The following BRCA2 variants were observed in gnomAD, a reference collection of about 807,000 sequenced individuals.
BRCA2 encodes the protein BRCA2 DNA repair associated.
BRCA2 carries 203 observed loss-of-function variants against 276.7 expected under a neutral mutation model. The observed-to-expected ratio is 0.73, with a 90% CI of 0.65 to 0.82. The LOEUF is 0.82. Among genes scored for constraint, BRCA2 ranks in the 40% least tolerant of loss-of-function variants. BRCA2 has a pLI of 0.00. For missense variants in BRCA2, 3,920 were observed against 3,915.0 expected (o/e 1.00, Z -0.03); for synonymous variants, 1,289 against 1,338.4 (o/e 0.96, Z 0.81).
chr13:32,330,099 C>G (rs979219170), intron 8 of BRCA2, among the ~76,000 whole-genome samples: 6 of 152,210 alleles, frequency 3.9e-5, no homozygotes, highest in African/African-American at 1.4e-4. Context: ...CCCTTACTTG[C>G]AGTAAATGGC....
chr13:32,324,739 G>T (rs776961397), intron 3 of BRCA2, among the ~76,000 whole-genome samples: 7 of 151,970 alleles, frequency 4.6e-5, no homozygotes, highest in Non-Finnish European at 8.8e-5. Context: ...TGATCCTCCC[G>T]CCTCAGCCTC....
chr13:32,372,969 C>A (rs892012198), intron 20 of BRCA2, among the ~76,000 whole-genome samples: 1 of 151,380 alleles, frequency 6.6e-6, no homozygotes, highest in South Asian at 2.1e-4. Flanking sequence ...CATGCAAGTC[C>A]GAAACCTAGC....
chr13:32,337,550 T>A lies in BRCA2; in HGVS notation c.3195T>A (p.Ile1065=), dbSNP rs2137494186. 6.2e-7 allele frequency: 1 copy of A among 1,608,084 alleles called. No homozygotes were observed. Among genetic ancestry groups the A allele is most frequent in the Non-Finnish European group, 8.5e-7 (1 of 1,176,946 alleles). ...AGAAACTGAGCAAGCCTCAGTCAATTAATACTGTATCTGCACATTTACAGA... is the reference window on the plus strand; with the variant it reads ...AGAAACTGAGCAAGCCTCAGTCAATAAATACTGTATCTGCACATTTACAGA... ...NQKKLSKPQS[I]NTVSAHLQSS... The change falls in exon 11 of 27, where the codon ATT becomes ATA. Residue 1065 remains isoleucine, a synonymous_variant. Transcript: ENST00000380152.
At chr13:32,344,433 G>T (rs762664969) in intron 11 of BRCA2, 125 bp from the exon 12 acceptor site, 11 of 618,666 alleles carry the variant, frequency 1.8e-5, no homozygotes, top group African/African-American at 3.7e-5. Context: ...ACTATTTGTT[G>T]TAAGTATTTT....
At position 32,358,739 on chromosome 13, in the gene BRCA2, G is replaced by A. The variant is rs1228742098; in HGVS notation, c.7805+810G>A. 2.6e-5 allele frequency among the ~76,000 whole-genome samples: 4 copies of A among 151,992 alleles called. No homozygotes were observed. In the East Asian group the frequency reaches 7.7e-4, roughly 29 times the overall value. ...CCTGAGGGTCAGGAGTTCGAGACCA[G>A]CCTGGCCAACATGGTGAAACCCCAG... On this transcript the variant is annotated intron_variant, in intron 16 of 26. Coordinates refer to ENST00000380152, the MANE Select transcript of BRCA2 (RefSeq NM_000059.4).
At chr13:32,393,489 C>T (rs938035504) in intron 24 of BRCA2, among the ~76,000 whole-genome samples, 2 of 151,650 alleles carry the variant, frequency 1.3e-5, no homozygotes, top group African/African-American at 4.8e-5. Context: ...TAGCTTTGAC[C>T]ATTAGGAGCT....
chr13:32,321,662 C>T (rs576284564), intron 3 of BRCA2, among the ~76,000 whole-genome samples: 167 of 152,234 alleles, frequency 1.1e-3, no homozygotes, highest in African/African-American at 3.8e-3. Flanking sequence ...TTTGCTTTTA[C>T]GTTTACTTTA....
At chr13:32,328,845 T>C (rs904534056) in intron 7 of BRCA2, among the ~76,000 whole-genome samples, 1 of 151,976 alleles carries the variant, frequency 6.6e-6, no homozygotes, top group African/African-American at 2.4e-5. Context: ...TACTTAACCT[T>C]TGTGTGCCCA....
Position 32,340,987 on chromosome 13 carries a change from T to C in BRCA2, c.6632T>C (p.Val2211Ala). 2 of 1,609,038 alleles carry C rather than the reference T, an allele frequency of 1.2e-6. No individual in the cohort carries two copies. The highest frequency in any genetic ancestry group is 1.7e-6 in the Non-Finnish European group (2 of 1,178,756). The change falls in exon 11 of 27, where the codon GTT becomes GCT. Residue 2211 changes from valine to alanine, a missense_variant. Transcript: ENST00000380152. ...GTTCCTGTGAAAACAAATATAGAAGTTTGTTCTACTTACTCCAAAGATTCA... is the reference window on the plus strand; with the variant it reads ...GTTCCTGTGAAAACAAATATAGAAGCTTGTTCTACTTACTCCAAAGATTCA... ...SDVPVKTNIE[V>A]CSTYSKDSEN...
Position 32,336,322 on chromosome 13 carries a change from C to T in BRCA2, c.1967C>T (p.Thr656Ile), listed in dbSNP as rs876660857. The change falls in exon 11 of 27, where the codon ACT (threonine) becomes ATT (isoleucine). Residue 656 changes from threonine (T) to isoleucine (I), a missense_variant. Thr to Ile is a moderately conservative substitution (Grantham distance 89). Transcript: ENST00000380152. ...TCACAGAATGATTCTGAAGAACCAA[C>T]TTTGTCCTTAACTAGCTCTTTTGGG... ...SCSQNDSEEP[T>I]LSLTSSFGTI... 1 of 1,603,204 alleles carries T rather than the reference C, an allele frequency of 6.2e-7. No individual in the cohort carries two copies. Among genetic ancestry groups the T allele is most frequent in the African/African-American group, 1.3e-5 (1 of 74,208 alleles).
intron 25 of BRCA2, 135 bp downstream of exon 25, chr13:32,395,068 G>T (rs2073026987): frequency 1.6e-6 from 2 of 1,252,102 alleles, no homozygotes; most frequent in Non-Finnish European, 2.2e-6. Context: ...TATATTAATT[G>T]CCCATGAACC....
intron 20 of BRCA2, among the ~76,000 whole-genome samples, chr13:32,371,614 G>A (rs2072835440): frequency 6.6e-6 from 1 of 151,796 alleles, no homozygotes; most frequent in Admixed American, 6.6e-5. Flanking sequence ...AGAACTTACA[G>A]TTCTATAGTT....
Position 32,338,689 on chromosome 13 carries a change from A to C in BRCA2, c.4334A>C (p.Lys1445Thr), listed in dbSNP as rs1566230096. ...AGTGTCGCCAAAGAGTCATTTAATA[A>C]AATTGTAAATTTCTTTGATCAGAAA... ...NISVAKESFN[K>T]IVNFFDQKPE... Residue 1445 changes from lysine to threonine, a missense_variant, in exon 11 of 27, where the codon AAA (lysine) becomes ACA (threonine). By Grantham distance (78) the Lys-to-Thr change is moderately conservative. This residue lies in a region of BRCA2 where 3,263 missense variants were observed against 3,156.9 expected (regional missense o/e 1.03). Transcript: ENST00000380152. The C allele has an allele frequency of 6.3e-7, 1 of 1,591,834 alleles. No individual in the cohort carries two copies. The highest frequency in any genetic ancestry group is 1.1e-5 in the South Asian group (1 of 87,644).
At chr13:32,336,205 ATATT>A in intron 10 of BRCA2, 56 bp from the exon 11 acceptor site, 9 of 1,530,570 alleles carry the variant, frequency 5.9e-6, no homozygotes, top group Non-Finnish European at 6.2e-6. Flanking sequence ...TTAGTGAAAA[ATATT>A]TAGTGAATGT....
At position 32,349,814 on chromosome 13, in the gene BRCA2, CA is replaced by C. The variant is rs11327981; in HGVS notation, c.7007+2936del. On this transcript the variant is annotated intron_variant, in intron 13 of 26. Transcript: ENST00000380152. ...TGGACGACAGAGCAAGACCCCACAT[CA>C]AAAAAAAAAAAAAAAAAGCAGCAGC... 0.46 allele frequency among the ~76,000 whole-genome samples: 52,550 copies of C among 115,180 alleles called. 10,698 individuals are homozygous for C. The highest frequency in any genetic ancestry group is 0.48 in the Non-Finnish European group (27,351 of 57,558). The allele number at this position is 115,180 out of a possible 152,430, so 75.6% of individuals were successfully genotyped here.
At chr13:32,346,491 T>C (rs192145481) in intron 12 of BRCA2, among the ~76,000 whole-genome samples, 11 of 152,198 alleles carry the variant, frequency 7.2e-5, no homozygotes, top group African/African-American at 2.6e-4. Flanking sequence ...GAATGAACAA[T>C]ATCTAAAGCT....
At chr13:32,321,615 G>A (rs2072306701) in intron 3 of BRCA2, among the ~76,000 whole-genome samples, 1 of 152,168 alleles carries the variant, frequency 6.6e-6, no homozygotes, top group African/African-American at 2.4e-5. Flanking sequence ...TTTGAAGGCT[G>A]TAATACATAA....
rs768641298 is a variant in BRCA2 at position 32,333,025 on chromosome 13, T to A, written c.1547T>A (p.Phe516Tyr). The change falls in exon 10 of 27, where the codon TTC (phenylalanine) becomes TAC (tyrosine). Residue 516 changes from phenylalanine to tyrosine, a missense_variant. Phe to Tyr is a conservative substitution (Grantham distance 22). This residue lies in a region of BRCA2 where 3,263 missense variants were observed against 3,156.9 expected (regional missense o/e 1.03). Transcript: ENST00000380152. ...ATAAGAGAATCACCTAAAGAGACTT[T>A]CAATGCAAGTTTTTCAGGTCATATG... ...FRIRESPKET[F>Y]NASFSGHMTD... 6.3e-7 allele frequency: 1 copy of A among 1,595,798 alleles called. No homozygotes were observed. The highest frequency in any genetic ancestry group is 1.2e-5 in the South Asian group (1 of 86,512).
intron 2 of BRCA2, among the ~76,000 whole-genome samples, chr13:32,318,539 T>A (rs1377610626): frequency 5.3e-5 from 8 of 152,140 alleles, no homozygotes; most frequent in Non-Finnish European, 1.2e-4. Flanking sequence ...CCTCCTGGGT[T>A]CAAGTGATTC....
Sources: allele counts gnomAD v4.1 joint callset (sites outside exome capture counted in the v4.1 genomes callset), GRCh38; gene constraint gnomAD v4.1.1; regional missense constraint gnomAD v4.1.1; transcripts MANE v1.5; gene names NCBI Gene and HGNC (gene_info 2026-07-23, HGNC 2026-07-21).